ECI2: variants seen among roughly 807,000 people sequenced by gnomAD.
The protein encoded by ECI2 is D3,D2-enoyl-CoA isomerase.
Under a neutral mutation model 38.4 loss-of-function variants are expected in ECI2, and 27 were observed. The observed-to-expected ratio is 0.70, with a 90% CI of 0.52 to 0.97. ECI2 has a LOEUF of 0.97. ECI2 is among the 50% of genes least tolerant of loss of function. ECI2 has a pLI of 0.00. For missense variants in ECI2, 470 were observed against 474.4 expected (o/e 0.99, Z 0.09); for synonymous variants, 168 against 172.0 (o/e 0.98, Z 0.18).
In ECI2 at chr6:4,115,782, AG is replaced by A; in HGVS notation, c.*91del. 6.7e-7 allele frequency: 1 copy of A among 1,499,836 alleles called. No individual in the cohort carries two copies. The highest frequency in any genetic ancestry group is 9.0e-7 in the Non-Finnish European group (1 of 1,106,540). 92.9% of individuals were successfully genotyped at this position (1,499,836 alleles called of 1,614,324 possible). A position where few individuals can be genotyped will look rare whatever the true frequency, so the allele number is the denominator to read the frequency against. Reference sequence around the variant, plus strand: ...GTAATTGATATTCTAGCACTACAAAAGGCACAATGAAGCTTATTTAGTTCCA... The same window carrying A: ...GTAATTGATATTCTAGCACTACAAAAGCACAATGAAGCTTATTTAGTTCCA... On this transcript the variant is annotated 3_prime_UTR_variant, in exon 10 of 10. Coordinates refer to ENST00000380118, the MANE Select transcript of ECI2 (RefSeq NM_206836.3).
At chr6:4,124,764 C>T (rs1247443843) in intron 7 of ECI2, among the ~76,000 whole-genome samples, 1 of 152,150 alleles carries the variant, frequency 6.6e-6, no homozygotes, top group Non-Finnish European at 1.5e-5. Context: ...GAACACAAGG[C>T]TGAATTGTGT....
Position 4,133,726 on chromosome 6 carries a change from A to G in ECI2, c.51-15T>C. The G allele has an allele frequency of 6.3e-7, 1 of 1,581,938 alleles. No individual in the cohort carries two copies. Among genetic ancestry groups the G allele is most frequent in the Non-Finnish European group, 8.6e-7 (1 of 1,165,364 alleles). On this transcript the variant is annotated splice_polypyrimidine_tract_variant and intron_variant, in intron 1 of 9. Transcript: ENST00000380118. ...CCTGCAGAGAACTACAATTAGGCAG[A>G]CTGATTTCTATTTGTTCCCAACCCT...
intron 4 of ECI2, 67 bp downstream of exon 4, chr6:4,130,305 G>A: frequency 6.2e-7 from 1 of 1,613,690 alleles, no homozygotes; most frequent in Non-Finnish European, 8.5e-7. Context: ...AAACTCTACA[G>A]CTTTTGTGTG....
chr6:4,127,237 C>T lies in ECI2; in HGVS notation c.571+525G>A, dbSNP rs139087882. On this transcript the variant is annotated intron_variant, in intron 5 of 9. Transcript: ENST00000380118. ...TGAACATTTGTTTTCTGGTTTTGGC[C>T]GTTATAAATCAGGTTACCATGTCTG... 3.7e-3 allele frequency among the ~76,000 whole-genome samples: 566 copies of T among 152,034 alleles called. 4 individuals carry two copies. Among genetic ancestry groups the T allele is most frequent in the African/African-American group, 0.012 (514 of 41,432 alleles).
At chr6:4,125,403 T>G in intron 6 of ECI2, 33 bp from the exon 7 acceptor site, 1 of 1,612,882 alleles carries the variant, frequency 6.2e-7, no homozygotes, top group South Asian at 1.1e-5. Context: ...TCATTAAATG[T>G]GCCAAAGCAG....
At position 4,135,456 on chromosome 6, in the gene ECI2, G is replaced by T. The variant is rs552558012; in HGVS notation, c.50+55C>A. On this transcript the variant is annotated intron_variant, in intron 1 of 9. Coordinates refer to ENST00000380118, the MANE Select transcript of ECI2 (RefSeq NM_206836.3). ...TTCCAACGGCGGCGACCTTCGCCTG[G>T]ACAGCGGTATCCTGCGGGCGACCAT... 5.5e-5 allele frequency: 89 copies of T among 1,610,658 alleles called. 2 individuals carry two copies. The highest frequency in any genetic ancestry group is 5.1e-4 in the South Asian group (46 of 91,008).
At chr6:4,124,558 G>A (rs1773018441) in intron 7 of ECI2, among the ~76,000 whole-genome samples, 1 of 152,170 alleles carries the variant, frequency 6.6e-6, no homozygotes, top group Non-Finnish European at 1.5e-5. Flanking sequence ...CCAGCAGTCA[G>A]GGACTGGTTA....
At chr6:4,134,531 A>AT (rs1459398678) in intron 1 of ECI2, among the ~76,000 whole-genome samples, 2 of 152,220 alleles carry the variant, frequency 1.3e-5, no homozygotes, top group Non-Finnish European at 2.9e-5. Context: ...ATGACACTGA[A>AT]TAATAGAGTT....
Position 4,130,162 on chromosome 6 carries a change from G to A in ECI2, c.501+210C>T, listed in dbSNP as rs1484898929. 3.1e-6 allele frequency: 5 copies of A among 1,613,636 alleles called. No individual in the cohort carries two copies. In the East Asian group the frequency reaches 1.1e-4, roughly 36 times the overall value. Reference sequence around the variant, plus strand: ...ATTAGGAAAATCACAGTGCCTTCTGGGTATATCAGAACCTACCTGAAATTC... The same window carrying A: ...ATTAGGAAAATCACAGTGCCTTCTGAGTATATCAGAACCTACCTGAAATTC... On this transcript the variant is annotated intron_variant, in intron 4 of 9. Coordinates refer to ENST00000380118, the MANE Select transcript of ECI2 (RefSeq NM_206836.3).
chr6:4,119,135 C>T (rs1322563003), intron 8 of ECI2, 51 bp downstream of exon 8: 1 of 1,465,546 alleles, frequency 6.8e-7, no homozygotes, highest in Admixed American at 1.8e-5. Context: ...ACTCTTCCTT[C>T]TTTCTTGAGA....
intron 7 of ECI2, among the ~76,000 whole-genome samples, chr6:4,124,302 A>G (rs1331165032): frequency 6.6e-6 from 1 of 152,232 alleles, no homozygotes; most frequent in African/African-American, 2.4e-5. Context: ...ATCTGGTTCA[A>G]TGGAATCCAG....
intron 7 of ECI2, among the ~76,000 whole-genome samples, chr6:4,122,878 T>C (rs996274960): frequency 2.0e-5 from 3 of 152,210 alleles, no homozygotes; most frequent in Middle Eastern, 3.2e-3. Context: ...ACATAATGCA[T>C]GTGAATAGAG....
chr6:4,134,275 A>G (rs2113032886), intron 1 of ECI2, among the ~76,000 whole-genome samples: 1 of 152,332 alleles, frequency 6.6e-6, no homozygotes, highest in South Asian at 2.1e-4. Context: ...CATTCCAGAT[A>G]GAGCCACAGC....
chr6:4,125,524 G>T, intron 6 of ECI2, 154 bp from the exon 7 acceptor site: 1 of 1,081,144 alleles, frequency 9.2e-7, no homozygotes, highest in Non-Finnish European at 1.3e-6. Context: ...CACTTCCCTG[G>T]TCTTCCGCAC....
chr6:4,128,238 C>T (rs1303044357), intron 4 of ECI2, among the ~76,000 whole-genome samples: 1 of 151,452 alleles, frequency 6.6e-6, no homozygotes, highest in Non-Finnish European at 1.5e-5. Context: ...CTAGTGTGGG[C>T]AGAGTGGGAG....
chr6:4,130,331 GAAA>G, intron 4 of ECI2, 38 bp downstream of exon 4: 1 of 1,614,044 alleles, frequency 6.2e-7, no homozygotes, highest in Non-Finnish European at 8.5e-7. Context: ...CATAGAAGAA[GAAA>G]GTAAAACAGG....
intron 9 of ECI2, 68 bp from the exon 10 acceptor site, chr6:4,116,097 T>A: frequency 6.5e-7 from 1 of 1,539,638 alleles, no homozygotes; most frequent in Non-Finnish European, 8.8e-7. Context: ...ATGCCTGTAA[T>A]CCCAGCACTT....
rs551636906 is a variant in ECI2 at position 4,126,077 on chromosome 6, C to G, written c.674+58G>C. 2.3e-5 allele frequency: 32 copies of G among 1,404,738 alleles called. No individual in the cohort carries two copies. In the South Asian group the frequency reaches 3.8e-4, roughly 17 times the overall value. 87.0% of individuals were successfully genotyped at this position (1,404,738 alleles called of 1,614,324 possible). On this transcript the variant is annotated intron_variant, in intron 6 of 9. Transcript: ENST00000380118. ...TATTGCACTTTTGCTCAACTAAATA[C>G]CACTTTGATGACTAAGAACGGGCCC...
chr6:4,130,693 T>C, intron 3 of ECI2, 74 bp downstream of exon 3: 1 of 1,602,752 alleles, frequency 6.2e-7, no homozygotes, highest in South Asian at 1.1e-5. Flanking sequence ...AGACTCCATT[T>C]ACAATGGCTT....
Sources: gnomAD v4.1 joint callset for allele counts (sites outside exome capture counted in the v4.1 genomes callset) on GRCh38, gnomAD v4.1.1 for gene constraint, MANE v1.5 for transcripts, NCBI Gene and HGNC (gene_info 2026-07-23, HGNC 2026-07-21) for gene names.